Variants in ZNF644 observed in about 807,000 individuals in gnomAD.
ZNF644 encodes the protein zinc finger protein 644, also known as zinc finger motif enhancer binding protein 2.
A neutral mutation model predicts 108.0 loss-of-function variants in ZNF644; 20 were observed. That is an observed-to-expected ratio of 0.19 (90% CI 0.13 to 0.27). The LOEUF (loss-of-function observed/expected upper bound fraction) is 0.27, where lower values mean the gene tolerates loss of function less well. ZNF644 is among the 10% of genes least tolerant of loss of function. ZNF644 has a pLI of 1.00. For missense variants in ZNF644, 1,338 were observed against 1,548.9 expected (o/e 0.86, Z 2.29); for synonymous variants, 542 against 539.1 (o/e 1.01, Z -0.08).
intron 1 of ZNF644, among the ~76,000 whole-genome samples, chr1:90,984,330 A>G (rs1257115041): frequency 1.3e-5 from 2 of 152,184 alleles, no homozygotes; most frequent in African/African-American, 4.8e-5. Flanking sequence ...AAAATACTAC[A>G]GACTGGGTGG....
At chr1:91,005,077 C>G (rs577981186) in intron 1 of ZNF644, among the ~76,000 whole-genome samples, 1 of 152,138 alleles carries the variant, frequency 6.6e-6, no homozygotes, top group East Asian at 1.9e-4. Flanking sequence ...CCAACTATAA[C>G]TGGCTACAAG....
chr1:90,990,085 T>C (rs1237763008), intron 1 of ZNF644, among the ~76,000 whole-genome samples: 1 of 152,176 alleles, frequency 6.6e-6, no homozygotes, highest in Non-Finnish European at 1.5e-5. Context: ...AAATACTATA[T>C]GATTCCATCC....
rs1337836182 is a variant in ZNF644, at chr1:91,005,805, GACT to G, written c.-18+16182_-18+16184del. ...TACAGGGAAATTTATAGCTATATAT[GACT>G]ACATTAAAAAAAATCTTAAATCCAT... On this transcript the variant is annotated intron_variant, in intron 1 of 5. Coordinates refer to ENST00000337393, the MANE Select transcript of ZNF644 (RefSeq NM_201269.3). Among the ~76,000 whole-genome samples the G allele has an allele frequency of 6.6e-5, 10 of 151,846 alleles. No homozygotes were observed. In the East Asian group the frequency reaches 1.7e-3, roughly 27 times the overall value.
In ZNF644 at chr1:90,969,194, T is replaced by G. The variant is rs528839211; in HGVS notation, c.44+13116A>C. Among the ~76,000 whole-genome samples the G allele has an allele frequency of 1.1e-4, 17 of 152,172 alleles. No homozygotes were observed. In the South Asian group the frequency reaches 3.5e-3, roughly 32 times the overall value. On this transcript the variant is annotated intron_variant, in intron 2 of 5. Transcript: ENST00000337393. Reference sequence around the variant, plus strand: ...CCTAATCCAGTCTAACTGGTGTCCTTATAAGAAGATTAGGACATACAGAGA... The same window carrying G: ...CCTAATCCAGTCTAACTGGTGTCCTGATAAGAAGATTAGGACATACAGAGA...
At chr1:90,995,684 T>C (rs987874025) in intron 1 of ZNF644, among the ~76,000 whole-genome samples, 2 of 152,160 alleles carry the variant, frequency 1.3e-5, no homozygotes, top group African/African-American at 2.4e-5. Context: ...TGTTAATGGT[T>C]GACCTATCAG....
intron 1 of ZNF644, among the ~76,000 whole-genome samples, chr1:91,007,581 C>T (rs886627154): frequency 6.6e-6 from 1 of 152,260 alleles, no homozygotes. Flanking sequence ...TTTTCTCCCA[C>T]TTTACAACTC....
At chr1:90,965,217 G>T in intron 2 of ZNF644, among the ~76,000 whole-genome samples, 1 of 152,238 alleles carries the variant, frequency 6.6e-6, no homozygotes, top group Non-Finnish European at 1.5e-5. Context: ...GAAATATCTG[G>T]GAACTGGAAG....
chr1:90,980,036 C>A (rs1007465956), intron 2 of ZNF644, among the ~76,000 whole-genome samples: 2 of 152,132 alleles, frequency 1.3e-5, no homozygotes, highest in Non-Finnish European at 2.9e-5. Flanking sequence ...AGTGCCAATG[C>A]CCCCATCCCA....
At chr1:90,999,510 C>T (rs1250315002) in intron 1 of ZNF644, among the ~76,000 whole-genome samples, 1 of 152,080 alleles carries the variant, frequency 6.6e-6, no homozygotes, top group Non-Finnish European at 1.5e-5. Context: ...TTGTCACCAC[C>T]AGGCCTGTCA....
intron 1 of ZNF644, among the ~76,000 whole-genome samples, chr1:91,007,219 C>CGTTTTTTTTTTTTTTTTTTTTTT (rs1557658445): frequency 2.6e-5 from 3 of 114,248 alleles, no homozygotes; most frequent in African/African-American, 6.6e-5. Context: ...CATTTTCTCC[C>CGTTTTTTTTTTTTTTTTTTTTTT]ATTTTGTTTT....
intron 1 of ZNF644, among the ~76,000 whole-genome samples, chr1:91,019,569 G>GT (rs1348001355): frequency 6.6e-6 from 1 of 151,908 alleles, no homozygotes; most frequent in South Asian, 2.1e-4. Flanking sequence ...GAATATGAAA[G>GT]TTTTTTTGTT....
At position 91,001,258 on chromosome 1, in the gene ZNF644, C is replaced by T. The variant is rs540663202; in HGVS notation, c.-17-18888G>A. ...AAAAGAGAATTTTAGACCAATATCC[C>T]TGATGAACATCGATGCAAAAATCCT... On this transcript the variant is annotated intron_variant, in intron 1 of 5. Transcript: ENST00000337393. Among the ~76,000 whole-genome samples, 597 of 152,276 alleles carry T rather than the reference C, an allele frequency of 3.9e-3. 2 individuals carry two copies. Among genetic ancestry groups the T allele is most frequent in the South Asian group, 7.0e-3 (34 of 4,828 alleles).
chr1:91,002,374 A>G (rs1202960267), intron 1 of ZNF644, among the ~76,000 whole-genome samples: 1 of 152,138 alleles, frequency 6.6e-6, no homozygotes, highest in Non-Finnish European at 1.5e-5. Flanking sequence ...AAATAATACC[A>G]CACAGCTACA....
In ZNF644 at chr1:90,973,173, T is replaced by A. The variant is rs944119788; in HGVS notation, c.44+9137A>T. 4.0e-5 allele frequency: 6 copies of A among 150,794 alleles called. No homozygotes were observed. In the East Asian group the frequency reaches 7.8e-4, roughly 20 times the overall value. 9.3% of individuals were successfully genotyped at this position (150,794 alleles called of 1,614,324 possible). On this transcript the variant is annotated intron_variant, in intron 2 of 5. Transcript: ENST00000337393. ...ATTACCAATGGGGATGAGGTGGAGA[T>A]CAATAAATAACAAATATGTCTGGGT... is the stretch of plus-strand genomic sequence containing the variant.
intron 2 of ZNF644, among the ~76,000 whole-genome samples, chr1:90,945,323 C>T (rs1275124936): frequency 3.3e-5 from 5 of 152,008 alleles, no homozygotes; most frequent in African/African-American, 1.2e-4. Flanking sequence ...AAAATTCACA[C>T]ACCTTTTTAA....
chr1:90,945,603 AG>A (rs993763336), intron 2 of ZNF644, among the ~76,000 whole-genome samples: 1 of 152,126 alleles, frequency 6.6e-6, no homozygotes, highest in African/African-American at 2.4e-5. Flanking sequence ...AGGTTACTAC[AG>A]AAGAAATGAG....
rs566646156 is a variant in ZNF644 at position 91,012,656 on chromosome 1, A to T, written c.-18+9334T>A. Among the ~76,000 whole-genome samples, 536 of 152,050 alleles carry T rather than the reference A, an allele frequency of 3.5e-3. 5 individuals carry two copies. Among genetic ancestry groups the T allele is most frequent in the African/African-American group, 0.012 (500 of 41,360 alleles). The stretch of plus-strand genomic sequence containing the variant: ...CATCTCTATCTGGGTATTTCATTTA[A>T]AATAGGCTCTAATCACGGAAAATGC... On this transcript the variant is annotated intron_variant, in intron 1 of 5. Transcript: ENST00000337393.
At chr1:91,002,120 T>C (rs968632482) in intron 1 of ZNF644, among the ~76,000 whole-genome samples, 1 of 152,140 alleles carries the variant, frequency 6.6e-6, no homozygotes, top group African/African-American at 2.4e-5. Flanking sequence ...AATTTATAGA[T>C]TCAATGCCAT....
Position 90,993,313 on chromosome 1 carries a change from C to T in ZNF644, c.-17-10943G>A, listed in dbSNP as rs114472306. On this transcript the variant is annotated intron_variant, in intron 1 of 5. Transcript: ENST00000337393. Reference sequence around the variant, plus strand: ...CAAACTACAGCCAGCTCAATATAGGCCATCCTAGATCAACCTTATGGCCAG... The same window carrying T: ...CAAACTACAGCCAGCTCAATATAGGTCATCCTAGATCAACCTTATGGCCAG... Among the ~76,000 whole-genome samples the T allele has an allele frequency of 2.2e-3, 332 of 151,598 alleles. 1 individual carries two copies. The highest frequency in any genetic ancestry group is 7.4e-3 in the African/African-American group (307 of 41,322).
Sources: allele counts gnomAD v4.1 joint callset (sites outside exome capture counted in the v4.1 genomes callset), GRCh38; gene constraint gnomAD v4.1.1; transcripts MANE v1.5; gene names NCBI Gene and HGNC (gene_info 2026-07-23, HGNC 2026-07-21).